AGAP1: variants seen among roughly 807,000 people sequenced by gnomAD.
AGAP1 encodes ArfGAP with GTPase domain, ankyrin repeat and PH domain 1, also known as arf-GAP with GTPase, ANK repeat and PH domain-containing protein 1.
Under a neutral mutation model 105.3 loss-of-function variants are expected in AGAP1, and 29 were observed. The ratio of observed to expected loss-of-function variants is 0.28; its 90% CI spans 0.21 to 0.38. The LOEUF (loss-of-function observed/expected upper bound fraction) is 0.38. AGAP1 is among the 10% of genes least tolerant of loss of function. AGAP1 has a pLI of 1.00. For synonymous variants in AGAP1, 509 were observed against 485.9 expected (o/e 1.05, Z -0.63); for missense variants, 998 against 1,165.1 (o/e 0.86, Z 2.09).
intron 1 of AGAP1, among the ~76,000 whole-genome samples, chr2:235,640,212 A>G (rs1471591586): frequency 2.0e-5 from 3 of 152,240 alleles, no homozygotes; most frequent in Non-Finnish European, 2.9e-5. Context: ...TGTTTCAGGC[A>G]AGCTTAAGAC....
intron 9 of AGAP1, among the ~76,000 whole-genome samples, chr2:235,836,920 T>C (rs1351015896): frequency 6.6e-6 from 1 of 151,932 alleles, no homozygotes; most frequent in East Asian, 1.9e-4. Flanking sequence ...AATGCAGGTG[T>C]AAAACTGGAG....
Position 235,723,157 on chromosome 2 carries a change from A to G in AGAP1, c.310+5513A>G, listed in dbSNP as rs375028096. 5.3e-4 allele frequency among the ~76,000 whole-genome samples: 81 copies of G among 152,294 alleles called. No homozygotes were observed. The highest frequency in any genetic ancestry group is 3.9e-3 in the South Asian group (19 of 4,822). ...AGTGACCTTCACACCTCTGAGGACA[A>G]TTTCACAGCTGCCGTTCACTTCCTA... On this transcript the variant is annotated intron_variant, in intron 3 of 17. Coordinates refer to ENST00000304032, the MANE Select transcript of AGAP1 (RefSeq NM_001037131.3). This position sits in a 1 kb window ranked among gnomAD's most constrained non-coding sequence, Gnocchi z 6.2.
At chr2:235,920,684 C>A in intron 11 of AGAP1, among the ~76,000 whole-genome samples, 1 of 152,176 alleles carries the variant, frequency 6.6e-6, no homozygotes, top group East Asian at 1.9e-4. Flanking sequence ...AGGCAGATGG[C>A]ATGCACAGTT....
Position 235,719,918 on chromosome 2 carries a change from T to C in AGAP1, c.310+2274T>C, listed in dbSNP as rs3768964. On this transcript the variant is annotated intron_variant, in intron 3 of 17. Coordinates refer to ENST00000304032, the MANE Select transcript of AGAP1 (RefSeq NM_001037131.3). This position sits in a 1 kb window ranked among gnomAD's most constrained non-coding sequence, Gnocchi z 4.9. ...TACATGGCTCCTTGTGCCTGGAAGC[T>C]TCTTAGTCCTGCTGAATTCATGCTT... Among the ~76,000 whole-genome samples, 2,932 of 152,272 alleles carry C rather than the reference T, an allele frequency of 0.019. 88 individuals are homozygous for C. Among genetic ancestry groups the C allele is most frequent in the African/African-American group, 0.064 (2,652 of 41,538 alleles).
rs895273389 is a variant in AGAP1 at position 235,719,781 on chromosome 2, C to T, written c.310+2137C>T. Among the ~76,000 whole-genome samples the T allele has an allele frequency of 1.3e-5, 2 of 152,156 alleles. No homozygotes were observed. The highest frequency in any genetic ancestry group is 2.1e-4 in the South Asian group (1 of 4,830). ...GCATGTGGCCTCTCACCTTTTGACTCGAGGTCCCAGGGATTGTTCTGTGGG... is the reference window on the plus strand; with the variant it reads ...GCATGTGGCCTCTCACCTTTTGACTTGAGGTCCCAGGGATTGTTCTGTGGG... On this transcript the variant is annotated intron_variant, in intron 3 of 17. Transcript: ENST00000304032. This position sits in a 1 kb window ranked among gnomAD's most constrained non-coding sequence, Gnocchi z 4.9.
At chr2:235,926,298 C>G (rs2125128906) in intron 11 of AGAP1, among the ~76,000 whole-genome samples, 1 of 152,314 alleles carries the variant, frequency 6.6e-6, no homozygotes, top group Non-Finnish European at 1.5e-5. Context: ...TGGTTCGTTT[C>G]TTTGACGGGT....
rs1249638594 is a variant in AGAP1 at position 236,075,669 on chromosome 2, G to A, written c.2114+26388G>A. On this transcript the variant is annotated intron_variant, in intron 16 of 17. Coordinates refer to ENST00000304032, the MANE Select transcript of AGAP1 (RefSeq NM_001037131.3). ...GCTTTGAGGAGCTGCTTTCTCCTCCGCTGCTTTGAGGAGCTTATAGCCCCT... is the reference window on the plus strand; with the variant it reads ...GCTTTGAGGAGCTGCTTTCTCCTCCACTGCTTTGAGGAGCTTATAGCCCCT... 3.9e-5 allele frequency among the ~76,000 whole-genome samples: 6 copies of A among 152,074 alleles called. No individual in the cohort carries two copies. The South Asian group carries it at 6.2e-4, about 16-fold the overall frequency.
At position 236,038,050 on chromosome 2, in the gene AGAP1, A is replaced by G. The variant is rs1472136792; in HGVS notation, c.1800+1335A>G. 6.6e-6 allele frequency among the ~76,000 whole-genome samples: 1 copy of G among 152,166 alleles called. No homozygotes were observed. Among genetic ancestry groups the G allele is most frequent in the Non-Finnish European group, 1.5e-5 (1 of 68,034 alleles). On this transcript the variant is annotated intron_variant, in intron 14 of 17. Coordinates refer to ENST00000304032, the MANE Select transcript of AGAP1 (RefSeq NM_001037131.3). The surrounding 1 kb of genome is among the most constrained non-coding windows in gnomAD (Gnocchi z 4.5). ...CTCTTTAACCAGGGTAAACCAGACC[A>G]CAGTCATTATTATTATAATGTAATT...
rs938457515 is a variant in AGAP1, at chr2:236,123,150, G to A, written c.2371-769G>A. Among the ~76,000 whole-genome samples, 13 of 151,870 alleles carry A rather than the reference G, an allele frequency of 8.6e-5. No homozygotes were observed. Among genetic ancestry groups the A allele is most frequent in the South Asian group, 2.1e-4 (1 of 4,816 alleles). On this transcript the variant is annotated intron_variant, in intron 17 of 17. Transcript: ENST00000304032. The surrounding 1 kb of genome is among the most constrained non-coding windows in gnomAD (Gnocchi z 4.6). Reference sequence around the variant, plus strand: ...GTGCAGTGGTGTGATGTCGGCCCACGGCAGCCTCTGCCTCCTAGGCTCAAG... The same window carrying A: ...GTGCAGTGGTGTGATGTCGGCCCACAGCAGCCTCTGCCTCCTAGGCTCAAG...
At position 235,882,980 on chromosome 2, in the gene AGAP1, T is replaced by TTTTA. The variant is rs575210962; in HGVS notation, c.1051-349_1051-346dup. On this transcript the variant is annotated intron_variant, in intron 9 of 17. Transcript: ENST00000304032. This position sits in a 1 kb window ranked among gnomAD's most constrained non-coding sequence, Gnocchi z 4.6. ...GAAGCACACCACCGTGCCCAGCTAA[T>TTTTA]TTTATTTATTTATTTATTTTTTTAG... is the stretch of plus-strand genomic sequence containing the variant. 4.0e-5 allele frequency among the ~76,000 whole-genome samples: 6 copies of TTTTA among 151,818 alleles called. No homozygotes were observed. Among genetic ancestry groups the TTTTA allele is most frequent in the Admixed American group, 6.6e-5 (1 of 15,234 alleles).
rs912010119 is a variant in AGAP1 at position 236,119,477 on chromosome 2, G to A, written c.2115-715G>A. 2.0e-5 allele frequency among the ~76,000 whole-genome samples: 3 copies of A among 152,152 alleles called. No individual in the cohort carries two copies. The highest frequency in any genetic ancestry group is 4.4e-5 in the Non-Finnish European group (3 of 68,032). Reference sequence around the variant, plus strand: ...ATGTTTTCCTCAGCTGAAAGGGTTTGGAGACCCTGGGGAGTCCACACACAC... The same window carrying A: ...ATGTTTTCCTCAGCTGAAAGGGTTTAGAGACCCTGGGGAGTCCACACACAC... On this transcript the variant is annotated intron_variant, in intron 16 of 17. Transcript: ENST00000304032. The surrounding 1 kb of genome is among the most constrained non-coding windows in gnomAD (Gnocchi z 6.6).
rs1352963588 is a variant in AGAP1, at chr2:236,105,910, T to C, written c.2115-14282T>C. On this transcript the variant is annotated intron_variant, in intron 16 of 17. Transcript: ENST00000304032. The surrounding 1 kb of genome is among the most constrained non-coding windows in gnomAD (Gnocchi z 4.2). ...TCGTGCCCGGCCCCTCTTGTGCCTC[T>C]TCTTATAAGAGTGAGAATCCCATTC... Among the ~76,000 whole-genome samples, 2 of 152,176 alleles carry C rather than the reference T, an allele frequency of 1.3e-5. No individual in the cohort carries two copies. The highest frequency in any genetic ancestry group is 4.8e-5 in the African/African-American group (2 of 41,458).
chr2:235,511,952 ATGTGTGTGTAAAGGTGAT>A (rs1942148232), intron 1 of AGAP1, among the ~76,000 whole-genome samples: 1 of 145,364 alleles, frequency 6.9e-6, no homozygotes, highest in African/African-American at 2.6e-5. Context: ...GTGGGTGTGA[ATGTGTGTGTAAAGGTGAT>A]TGTGAGTGTG....
chr2:235,942,924 T>TA (rs199780041), intron 12 of AGAP1, among the ~76,000 whole-genome samples: 23 of 151,102 alleles, frequency 1.5e-4, no homozygotes, highest in Admixed American at 7.3e-4. Flanking sequence ...CTATCTCTAC[T>TA]AAAAAAAAAA....
At chr2:235,780,040 C>G (rs1956159826) in intron 6 of AGAP1, among the ~76,000 whole-genome samples, 1 of 152,114 alleles carries the variant, frequency 6.6e-6, no homozygotes, top group South Asian at 2.1e-4. Context: ...CATGCAAGAC[C>G]TGGAGTGATG....
Position 235,872,170 on chromosome 2 carries a change from T to C in AGAP1, c.1051-11175T>C, listed in dbSNP as rs76796659. 0.039 allele frequency among the ~76,000 whole-genome samples: 6,009 copies of C among 152,244 alleles called. 379 individuals are homozygous for C. Among genetic ancestry groups the C allele is most frequent in the African/African-American group, 0.13 (5,521 of 41,514 alleles). ...GAAATGAGGATAATCAATGACCATC[T>C]GGTTGTCATGCACTTTCAGTGGGTT... On this transcript the variant is annotated intron_variant, in intron 9 of 17. Transcript: ENST00000304032. This position sits in a 1 kb window ranked among gnomAD's most constrained non-coding sequence, Gnocchi z 4.5.
Position 235,584,193 on chromosome 2 carries a change from C to CTTT in AGAP1, c.163+89358_163+89360dup, listed in dbSNP as rs11447483. On this transcript the variant is annotated intron_variant, in intron 1 of 17. Transcript: ENST00000304032. ...TTGAAGCATGACCCTCAATAAACCA[C>CTTT]TTTTTTTTTTTTTTTTGCATGGAAA... 1.5e-3 allele frequency among the ~76,000 whole-genome samples: 215 copies of CTTT among 139,996 alleles called. 14 individuals carry two copies. The highest frequency in any genetic ancestry group is 2.4e-3 in the Admixed American group (34 of 13,982). The allele number at this position is 139,996 out of a possible 152,430, so 91.8% of individuals were successfully genotyped here. A position where few individuals can be genotyped will look rare whatever the true frequency, so the allele number is the denominator to read the frequency against.
At chr2:235,946,261 T>A (rs929538340) in intron 12 of AGAP1, among the ~76,000 whole-genome samples, 1 of 151,358 alleles carries the variant, frequency 6.6e-6, no homozygotes, top group Non-Finnish European at 1.5e-5. Flanking sequence ...CAAAGTGGAT[T>A]GGATCATAAT....
rs923896118 is a variant in AGAP1 at position 235,754,966 on chromosome 2, G to A, written c.673+4478G>A. ...CTCGCTCCTGCTCACAGGCGAGTTT[G>A]TGTGGCTTGCGGGGCTGGGTGAGCT... On this transcript the variant is annotated intron_variant, in intron 6 of 17. Transcript: ENST00000304032. The surrounding 1 kb of genome is among the most constrained non-coding windows in gnomAD (Gnocchi z 4.6). Among the ~76,000 whole-genome samples, 3 of 152,256 alleles carry A rather than the reference G, an allele frequency of 2.0e-5. No individual in the cohort carries two copies. The highest frequency in any genetic ancestry group is 2.0e-4 in the Admixed American group (3 of 15,286).
Sources: allele counts gnomAD v4.1 joint callset (sites outside exome capture counted in the v4.1 genomes callset), GRCh38; gene constraint gnomAD v4.1.1; non-coding constraint Gnocchi (gnomAD v3.1); transcripts MANE v1.5; gene names NCBI Gene and HGNC (gene_info 2026-07-23, HGNC 2026-07-21).